Variants in PBX1 observed in about 807,000 individuals in gnomAD.
The protein encoded by PBX1 is pre-B-cell leukemia transcription factor 1.
A neutral mutation model predicts 53.4 loss-of-function variants in PBX1; 6 were observed. That is an observed-to-expected ratio of 0.11 (90% CI 0.06 to 0.22). The LOEUF is 0.22. PBX1 is among the 10% of genes least tolerant of loss of function. PBX1 has a pLI of 1.00. For missense variants in PBX1, 251 were observed against 551.4 expected, an observed-to-expected ratio of 0.46 and a Z score of 5.46; for synonymous variants, 204 against 212.3, an observed-to-expected ratio of 0.96 and a Z score of 0.34.
chr1:164,740,478 C>T (rs947424767), intron 2 of PBX1, among the ~76,000 whole-genome samples: 8 of 152,050 alleles, frequency 5.3e-5, no homozygotes, highest in Non-Finnish European at 1.2e-4. Context: ...GCCACCATAT[C>T]AGAGTGGAGA....
At chr1:164,668,043 T>C (rs1387757050) in intron 2 of PBX1, among the ~76,000 whole-genome samples, 3 of 152,182 alleles carry the variant, frequency 2.0e-5, no homozygotes, top group Non-Finnish European at 4.4e-5. Flanking sequence ...AGGGCTTGTC[T>C]TTAGAAATGG....
chr1:164,736,395 A>G (rs1169860143), intron 2 of PBX1, among the ~76,000 whole-genome samples: 2 of 151,848 alleles, frequency 1.3e-5, no homozygotes, highest in Non-Finnish European at 2.9e-5. Flanking sequence ...TGTCAGCTCC[A>G]CTCACCCCAC....
intron 2 of PBX1, among the ~76,000 whole-genome samples, chr1:164,635,810 G>A (rs1307452066): frequency 6.6e-6 from 1 of 152,208 alleles, no homozygotes; most frequent in African/African-American, 2.4e-5. Flanking sequence ...GAGGATTTCT[G>A]CATTAACTTA....
chr1:164,602,323 C>T (rs1034942979), intron 2 of PBX1, among the ~76,000 whole-genome samples: 8 of 152,184 alleles, frequency 5.3e-5, no homozygotes, highest in Non-Finnish European at 1.0e-4. Flanking sequence ...ACACCCCGCT[C>T]GGTTTCAGTT....
At chr1:164,834,475 C>T (rs1247461110) in intron 8 of PBX1, among the ~76,000 whole-genome samples, 1 of 151,850 alleles carries the variant, frequency 6.6e-6, no homozygotes, top group African/African-American at 2.4e-5. Flanking sequence ...TCCCAAGTAG[C>T]TGGGATTACA....
chr1:164,752,177 A>T (rs1340871887), intron 2 of PBX1, among the ~76,000 whole-genome samples: 1 of 147,432 alleles, frequency 6.8e-6, no homozygotes, highest in Non-Finnish European at 1.5e-5. Flanking sequence ...TCAAACAGTT[A>T]ATGTGTCCAT....
At chr1:164,825,783 C>A (rs1250323594) in intron 8 of PBX1, among the ~76,000 whole-genome samples, 2 of 152,088 alleles carry the variant, frequency 1.3e-5, no homozygotes, top group Non-Finnish European at 2.9e-5. Context: ...TCCTCCTATC[C>A]TTAAAGAGTC....
chr1:164,847,330 T>A lies in PBX1; in HGVS notation c.*654T>A. 1 of 1,064,834 alleles carries A rather than the reference T, an allele frequency of 9.4e-7. No individual in the cohort carries two copies. Among genetic ancestry groups the A allele is most frequent in the Non-Finnish European group, 1.1e-6 (1 of 879,048 alleles). 66.0% of individuals were successfully genotyped at this position (1,064,834 alleles called of 1,614,324 possible). A position where few individuals can be genotyped will look rare whatever the true frequency, so the allele number is the denominator to read the frequency against. ...ACTGTCATAGCTGGGATTCTAAAGG[T>A]GCCACATTTTTCAGTTTCATCTCCA... On this transcript the variant is annotated 3_prime_UTR_variant, in exon 9 of 9. Transcript: ENST00000420696.
At chr1:164,689,227 A>G (rs1388796759) in intron 2 of PBX1, among the ~76,000 whole-genome samples, 1 of 152,254 alleles carries the variant, frequency 6.6e-6, no homozygotes, top group Non-Finnish European at 1.5e-5. Context: ...TTGGTGGAAG[A>G]AGCCCTAATG....
At chr1:164,692,138 T>C (rs1336988444) in intron 2 of PBX1, among the ~76,000 whole-genome samples, 1 of 152,196 alleles carries the variant, frequency 6.6e-6, no homozygotes, top group African/African-American at 2.4e-5. Flanking sequence ...TACGTGCTTG[T>C]GTGTACCACA....
intron 2 of PBX1, among the ~76,000 whole-genome samples, chr1:164,591,708 C>T (rs79768173): frequency 0.067 from 10,142 of 152,144 alleles, 877 homozygotes; most frequent in East Asian, 0.41. Context: ...GTTTCCTAAC[C>T]CAGGCTTTGT....
intron 2 of PBX1, among the ~76,000 whole-genome samples, chr1:164,602,507 G>A (rs937499883): frequency 6.6e-6 from 1 of 152,060 alleles, no homozygotes; most frequent in Admixed American, 6.6e-5. Context: ...AAGAGTTCCT[G>A]CCTTTAGCTA....
intron 2 of PBX1, among the ~76,000 whole-genome samples, chr1:164,629,852 G>A (rs1016171295): frequency 6.6e-6 from 1 of 152,120 alleles, no homozygotes; most frequent in Non-Finnish European, 1.5e-5. Context: ...TTGATCAAAG[G>A]TAGGAGTTTC....
chr1:164,652,889 G>A (rs565928541), intron 2 of PBX1, among the ~76,000 whole-genome samples: 33 of 129,046 alleles, frequency 2.6e-4, no homozygotes, highest in African/African-American at 9.4e-4. Flanking sequence ...TTTTTTTTTC[G>A]GACAGAGTCT....
intron 2 of PBX1, among the ~76,000 whole-genome samples, chr1:164,699,992 C>T (rs749734866): frequency 2.6e-5 from 4 of 152,186 alleles, no homozygotes; most frequent in African/African-American, 9.7e-5. Context: ...GGACTTAATA[C>T]TGAGAGCCAG....
intron 8 of PBX1, 117 bp downstream of exon 8, chr1:164,821,743 C>T (rs1670166412): frequency 3.8e-6 from 3 of 782,286 alleles, no homozygotes; most frequent in East Asian, 2.7e-5. Context: ...TTTACGGTCA[C>T]CTAGTTTCTT....
intron 8 of PBX1, among the ~76,000 whole-genome samples, chr1:164,843,130 T>A (rs1268413834): frequency 1.3e-5 from 2 of 152,158 alleles, no homozygotes; most frequent in Non-Finnish European, 2.9e-5. Flanking sequence ...ATGATACAGC[T>A]GAAGCAGCCG....
chr1:164,671,228 T>G (rs568414303), intron 2 of PBX1, among the ~76,000 whole-genome samples: 20 of 152,312 alleles, frequency 1.3e-4, no homozygotes, highest in Non-Finnish European at 2.5e-4. Context: ...GGTTTTTGTT[T>G]TGTTTTTCCT....
intron 2 of PBX1, among the ~76,000 whole-genome samples, chr1:164,605,594 T>C (rs1656495481): frequency 6.6e-6 from 1 of 152,170 alleles, no homozygotes; most frequent in Non-Finnish European, 1.5e-5. Context: ...TAATTGAAAC[T>C]CCAGTGTTTA....
Sources: allele counts gnomAD v4.1 joint callset (sites outside exome capture counted in the v4.1 genomes callset), GRCh38; gene constraint gnomAD v4.1.1; transcripts MANE v1.5; gene names NCBI Gene and HGNC (gene_info 2026-07-23, HGNC 2026-07-21).